MALRD1: variants seen among roughly 807,000 people sequenced by gnomAD.
MALRD1 encodes the protein MAM and LDL receptor class A domain containing 1.
MALRD1 carries 247 observed loss-of-function variants against 242.1 expected under a neutral mutation model. The observed-to-expected ratio is 1.02, with a 90% CI of 0.92 to 1.13. MALRD1 has a LOEUF of 1.13. MALRD1 is among the 50% of genes most tolerant of loss of function. MALRD1 has a pLI of 0.00. For synonymous variants in MALRD1, 995 were observed against 866.6 expected (o/e 1.15, Z -2.60); for missense variants, 2,989 against 2,533.1 (o/e 1.18, Z -3.86).
intron 33 of MALRD1, among the ~76,000 whole-genome samples, chr10:19,588,101 G>A (rs1216307609): frequency 6.6e-6 from 1 of 151,954 alleles, no homozygotes; most frequent in East Asian, 1.9e-4. Context: ...TGAAATGAAT[G>A]ACAGAGTTCT....
At chr10:19,519,721 G>A (rs1004500798) in intron 31 of MALRD1, among the ~76,000 whole-genome samples, 7 of 152,126 alleles carry the variant, frequency 4.6e-5, no homozygotes, top group East Asian at 3.9e-4. Flanking sequence ...CTGTTATCAC[G>A]CCACTGCAAT....
intron 13 of MALRD1, among the ~76,000 whole-genome samples, chr10:19,171,969 TGTG>T (rs1835002221): frequency 3.0e-5 from 1 of 33,810 alleles, no homozygotes; most frequent in Non-Finnish European, 5.2e-5. Flanking sequence ...ATCACATATA[TGTG>T]ATATATATCA....
intron 31 of MALRD1, among the ~76,000 whole-genome samples, chr10:19,520,166 T>C (rs1304762113): frequency 6.6e-6 from 1 of 152,170 alleles, no homozygotes; most frequent in Non-Finnish European, 1.5e-5. Flanking sequence ...CAGAAGGCAC[T>C]TGTTGAACTT....
At chr10:19,154,735 T>C (rs1164263692) in intron 11 of MALRD1, among the ~76,000 whole-genome samples, 1 of 152,190 alleles carries the variant, frequency 6.6e-6, no homozygotes, top group Non-Finnish European at 1.5e-5. Flanking sequence ...AAAGCTCTTG[T>C]GGGTATTTCA....
At chr10:19,625,385 T>C (rs1214952303) in intron 36 of MALRD1, among the ~76,000 whole-genome samples, 5 of 152,172 alleles carry the variant, frequency 3.3e-5, no homozygotes, top group Admixed American at 1.3e-4. Flanking sequence ...TTGCCTATTT[T>C]ACGCTTCCCC....
chr10:19,117,283 A>G (rs1400042657), intron 5 of MALRD1, among the ~76,000 whole-genome samples: 2 of 152,184 alleles, frequency 1.3e-5, no homozygotes, highest in African/African-American at 4.8e-5. Flanking sequence ...ACTTACTCAT[A>G]TACCACTGGT....
chr10:19,109,543 C>A (rs1290548822), intron 5 of MALRD1, among the ~76,000 whole-genome samples: 2 of 152,216 alleles, frequency 1.3e-5, no homozygotes, highest in Non-Finnish European at 2.9e-5. Context: ...CTTCAAATAG[C>A]TGGGATGGTG....
Position 19,148,790 on chromosome 10 carries a change from T to A in MALRD1, c.1558+2446T>A, listed in dbSNP as rs12569480. Among the ~76,000 whole-genome samples the A allele has an allele frequency of 4.7e-3, 355 of 74,752 alleles. 2 individuals are homozygous for A. Among genetic ancestry groups the A allele is most frequent in the Middle Eastern group, 0.029 (3 of 104 alleles). The allele number at this position is 74,752 out of a possible 152,430, so 49.0% of individuals were successfully genotyped here. A position where few individuals can be genotyped will look rare whatever the true frequency, so the allele number is the denominator to read the frequency against. ...GGGCCAATTAAAAAAAAAAAAAAAA[T>A]ATATATATATATATATATATCTGGA... On this transcript the variant is annotated intron_variant, in intron 11 of 39. Transcript: ENST00000454679.
At chr10:19,192,158 TG>T (rs1836005842) in intron 14 of MALRD1, among the ~76,000 whole-genome samples, 1 of 152,120 alleles carries the variant, frequency 6.6e-6, no homozygotes. Flanking sequence ...GAAAGTAGAA[TG>T]GTAGATTCCT....
At chr10:19,394,755 C>T (rs74118920) in intron 28 of MALRD1, among the ~76,000 whole-genome samples, 2,800 of 152,250 alleles carry the variant, frequency 0.018, 79 homozygotes, top group African/African-American at 0.064. Flanking sequence ...AGCATCATGT[C>T]GACCTTCTAA....
At chr10:19,611,355 A>G (rs1362222005) in intron 35 of MALRD1, among the ~76,000 whole-genome samples, 1 of 151,978 alleles carries the variant, frequency 6.6e-6, no homozygotes, top group Non-Finnish European at 1.5e-5. Flanking sequence ...AAGGGGGAAA[A>G]ATGAAGGCTT....
intron 28 of MALRD1, among the ~76,000 whole-genome samples, chr10:19,408,523 C>T (rs1459809627): frequency 1.3e-5 from 2 of 151,916 alleles, no homozygotes; most frequent in African/African-American, 4.8e-5. Context: ...ATTAAATAAT[C>T]GGTGATATAT....
chr10:19,510,712 C>T (rs933653493), intron 31 of MALRD1, among the ~76,000 whole-genome samples: 15 of 152,214 alleles, frequency 9.9e-5, no homozygotes, highest in African/African-American at 3.4e-4. Flanking sequence ...CTTATGTCTA[C>T]TTCTTTCTAC....
chr10:19,426,412 T>A (rs1833904947), intron 28 of MALRD1, among the ~76,000 whole-genome samples: 1 of 152,190 alleles, frequency 6.6e-6, no homozygotes, highest in African/African-American at 2.4e-5. Flanking sequence ...GCAGAAAGCA[T>A]GAATTTTTTT....
At chr10:19,425,170 A>G (rs373761388) in intron 28 of MALRD1, among the ~76,000 whole-genome samples, 19 of 152,308 alleles carry the variant, frequency 1.2e-4, no homozygotes, top group African/African-American at 4.1e-4. Context: ...TTTAGCAGCT[A>G]TTAAATGACA....
chr10:19,506,458 C>T (rs1213612155), intron 31 of MALRD1, among the ~76,000 whole-genome samples: 3 of 152,076 alleles, frequency 2.0e-5, no homozygotes, highest in African/African-American at 7.2e-5. Context: ...AGAATGAAAG[C>T]TATCAATCAG....
intron 18 of MALRD1, among the ~76,000 whole-genome samples, chr10:19,229,662 C>A (rs1482264833): frequency 6.6e-6 from 1 of 151,858 alleles, no homozygotes; most frequent in Non-Finnish European, 1.5e-5. Flanking sequence ...TTCTTTTTGT[C>A]CTCCCATGAT....
chr10:19,472,718 C>G (rs1248288066), intron 29 of MALRD1, among the ~76,000 whole-genome samples: 3 of 151,142 alleles, frequency 2.0e-5, no homozygotes, highest in African/African-American at 7.3e-5. Flanking sequence ...TCATATGATC[C>G]TTTGTATCTC....
intron 32 of MALRD1, 77 bp downstream of exon 32, chr10:19,531,428 T>C: frequency 2.2e-6 from 3 of 1,356,338 alleles, no homozygotes; most frequent in Non-Finnish European, 2.9e-6. Context: ...CTTGTCTTAT[T>C]TGTATTTTTG....
Sources: allele counts gnomAD v4.1 joint callset (sites outside exome capture counted in the v4.1 genomes callset), GRCh38; gene constraint gnomAD v4.1.1; transcripts MANE v1.5; gene names NCBI Gene and HGNC (gene_info 2026-07-23, HGNC 2026-07-21).